PLCG2: variants seen among roughly 807,000 people sequenced by gnomAD.
PLCG2 encodes 1-phosphatidylinositol 4,5-bisphosphate phosphodiesterase gamma-2.
In PLCG2, 69 loss-of-function variants were observed where a neutral mutation model predicts 175.6. The observed-to-expected ratio is 0.39, with a 90% CI of 0.32 to 0.48. PLCG2 has a LOEUF of 0.48. PLCG2 is among the 20% of genes least tolerant of loss of function. The probability of loss-of-function intolerance (pLI) is 0.91; values close to 1 mark genes in which losing one functional copy is unlikely to be tolerated. For missense variants in PLCG2, 1,798 were observed against 1,650.9 expected, an observed-to-expected ratio of 1.09 and a Z score of -1.54; for synonymous variants, 827 against 624.0, an observed-to-expected ratio of 1.33 and a Z score of -4.85.
At chr16:81,927,755 C>T (rs1313649821) in intron 23 of PLCG2, among the ~76,000 whole-genome samples, 4 of 152,180 alleles carry the variant, frequency 2.6e-5, no homozygotes, top group African/African-American at 9.7e-5. Context: ...TCTGGGAAGG[C>T]TTCCTGGAGG....
At chr16:81,878,868 C>T (rs1907943823) in intron 7 of PLCG2, among the ~76,000 whole-genome samples, 1 of 152,176 alleles carries the variant, frequency 6.6e-6, no homozygotes, top group African/African-American at 2.4e-5. Context: ...TGTTCTTTTT[C>T]ATTCTCTGTC....
intron 2 of PLCG2, among the ~76,000 whole-genome samples, chr16:81,772,872 C>G (rs940055473): frequency 4.6e-5 from 7 of 152,106 alleles, no homozygotes; most frequent in Admixed American, 4.6e-4. Context: ...GTGGTGGGAA[C>G]AAAAGGGAGA....
intron 9 of PLCG2, among the ~76,000 whole-genome samples, chr16:81,888,290 A>G (rs1009326699): frequency 1.3e-5 from 2 of 152,052 alleles, no homozygotes; most frequent in Non-Finnish European, 2.9e-5. Flanking sequence ...GGTTCATTGC[A>G]ACCTCCGCCT....
Position 81,872,916 on chromosome 16 carries a change from G to T in PLCG2, c.648+1981G>T, listed in dbSNP as rs115341001. On this transcript the variant is annotated intron_variant, in intron 7 of 32. Coordinates refer to ENST00000564138, the MANE Select transcript of PLCG2 (RefSeq NM_002661.5). ...ATTGCTTTCTGCATGCAGAGCTGTG[G>T]GCTGGCCACACAGTGAGGCCACCTG... Among the ~76,000 whole-genome samples the T allele has an allele frequency of 1.2e-3, 190 of 152,332 alleles. 1 individual carries two copies. Among genetic ancestry groups the T allele is most frequent in the African/African-American group, 4.4e-3 (184 of 41,582 alleles).
chr16:81,779,821 C>T (rs182596049), intron 1 of PLCG2, among the ~76,000 whole-genome samples: 292 of 152,286 alleles, frequency 1.9e-3, no homozygotes, highest in Non-Finnish European at 3.5e-3. Context: ...CGCGGACGCT[C>T]GGAGCCACAC....
chr16:81,906,134 C>T (rs991578295), intron 15 of PLCG2: 3 of 152,160 alleles, frequency 2.0e-5, no homozygotes, highest in African/African-American at 4.8e-5. Context: ...AGGAAATTAA[C>T]ATTGGTACAA....
At chr16:81,763,513 C>T (rs1304307618) in intron 2 of PLCG2, among the ~76,000 whole-genome samples, 1 of 152,228 alleles carries the variant, frequency 6.6e-6, no homozygotes, top group African/African-American at 2.4e-5. Flanking sequence ...CAGAGGTGAA[C>T]TTTACAGGTG....
intron 10 of PLCG2, among the ~76,000 whole-genome samples, chr16:81,889,855 T>C (rs1908548746): frequency 6.6e-6 from 1 of 152,072 alleles, no homozygotes; most frequent in South Asian, 2.1e-4. Context: ...AGGGTTTCAC[T>C]ATGTTGGCCA....
chr16:81,902,530 T>A (rs1909193825), intron 14 of PLCG2, among the ~76,000 whole-genome samples: 1 of 152,184 alleles, frequency 6.6e-6, no homozygotes, highest in Non-Finnish European at 1.5e-5. Context: ...CATGGAGATA[T>A]CTTTGGCCTC....
At chr16:81,792,769 A>G (rs1238661098) in intron 2 of PLCG2, among the ~76,000 whole-genome samples, 3 of 152,112 alleles carry the variant, frequency 2.0e-5, no homozygotes, top group African/African-American at 4.8e-5. Context: ...AACCGGCCCT[A>G]TGATTCAATT....
chr16:81,809,388 T>C (rs2143286684), intron 2 of PLCG2, among the ~76,000 whole-genome samples: 1 of 152,300 alleles, frequency 6.6e-6, no homozygotes, highest in Middle Eastern at 3.4e-3. Flanking sequence ...TGGCTTGTTC[T>C]GCACTGACTC....
At chr16:81,748,320 G>A (rs538268531) in intron 1 of PLCG2, among the ~76,000 whole-genome samples, 13 of 152,236 alleles carry the variant, frequency 8.5e-5, no homozygotes, top group African/African-American at 2.9e-4. Context: ...AACCTGGAAG[G>A]TGGAAGTTGC....
chr16:81,957,659 A>T (rs1176253879), intron 32 of PLCG2, among the ~76,000 whole-genome samples: 2 of 152,088 alleles, frequency 1.3e-5, no homozygotes, highest in Admixed American at 1.3e-4. Flanking sequence ...CCAGACAAAA[A>T]TCCTAATAGT....
At chr16:81,803,359 A>G (rs1276576923) in intron 2 of PLCG2, among the ~76,000 whole-genome samples, 1 of 151,964 alleles carries the variant, frequency 6.6e-6, no homozygotes, top group East Asian at 1.9e-4. Flanking sequence ...TTAGCCTAAC[A>G]TAAGGTTCGT....
At chr16:81,927,283 G>C (rs1910315551) in intron 23 of PLCG2, 105 bp downstream of exon 23, 1 of 754,880 alleles carries the variant, frequency 1.3e-6, no homozygotes, top group Non-Finnish European at 2.4e-6. Flanking sequence ...TGTGCTGCTT[G>C]TGGTCTCTGT....
intron 2 of PLCG2, among the ~76,000 whole-genome samples, chr16:81,840,929 G>T (rs1277544446): frequency 6.6e-6 from 1 of 152,188 alleles, no homozygotes; most frequent in Non-Finnish European, 1.5e-5. Flanking sequence ...TTCCTCCCTT[G>T]GGGATGGGGA....
intron 5 of PLCG2, among the ~76,000 whole-genome samples, chr16:81,863,667 C>G (rs1452079895): frequency 6.6e-6 from 1 of 152,224 alleles, no homozygotes; most frequent in African/African-American, 2.4e-5. Flanking sequence ...TCTGTAGCAG[C>G]TACACCTTCC....
chr16:81,841,833 A>G (rs1390536183), intron 2 of PLCG2, among the ~76,000 whole-genome samples: 4 of 152,174 alleles, frequency 2.6e-5, no homozygotes, highest in African/African-American at 9.7e-5. Context: ...TGTGTGAAGT[A>G]ACCTAACACC....
chr16:81,900,544 C>T, intron 13 of PLCG2, 68 bp from the exon 14 acceptor site: 2 of 1,431,002 alleles, frequency 1.4e-6, no homozygotes, highest in Non-Finnish European at 1.9e-6. Context: ...CTGCCCTGGC[C>T]CCTCTGTGGG....
Sources: gnomAD v4.1 joint callset for allele counts (sites outside exome capture counted in the v4.1 genomes callset) on GRCh38, gnomAD v4.1.1 for gene constraint, MANE v1.5 for transcripts, NCBI Gene and HGNC (gene_info 2026-07-23, HGNC 2026-07-21) for gene names.